The following RPUSD3 variants were observed in gnomAD, a reference collection of about 807,000 sequenced individuals.
RPUSD3 encodes the protein mitochondrial mRNA pseudouridine synthase RPUSD3.
A neutral mutation model predicts 35.1 loss-of-function variants in RPUSD3; 36 were observed. The ratio of observed to expected loss-of-function variants is 1.02; its 90% CI spans 0.79 to 1.35. RPUSD3 has a LOEUF of 1.35. Ranked by LOEUF, RPUSD3 falls within the 40% of genes most tolerant of loss-of-function variation. RPUSD3 has a pLI of 0.00. For synonymous variants in RPUSD3, 202 were observed against 187.8 expected (o/e 1.08, Z -0.62); for missense variants, 486 against 441.9 (o/e 1.10, Z -0.89).
At chr3:9,843,295 G>A (rs1017327953) in intron 2 of RPUSD3, 170 bp downstream of exon 2, 3 of 854,878 alleles carry the variant, frequency 3.5e-6, no homozygotes, top group Non-Finnish European at 5.5e-6. Context: ...CTGCATCATG[G>A]CAGTAGGGTT....
rs1258323489 is a variant in RPUSD3, at chr3:9,840,205, C to T, written c.703G>A (p.Val235Ile). ...CTACCTGTCAGTGGCTGCAGCTGGA[C>T]CAGGGCACAGCCAGAGCCTGTGGCT... is the stretch of plus-strand genomic sequence containing the variant. The change falls in exon 7 of 9, where the codon GTC becomes ATC. Residue 235 changes from valine (V) to isoleucine (I), a missense_variant. Coordinates refer to ENST00000383820, the Ensembl canonical transcript of RPUSD3. 1.9e-6 allele frequency: 3 copies of T among 1,613,410 alleles called. No individual in the cohort carries two copies. In the Admixed American group the frequency reaches 5.0e-5, roughly 27 times the overall value.
At chr3:9,839,435 A>G (rs979285826) in intron 7 of RPUSD3, 2 of 347,532 alleles carry the variant, frequency 5.8e-6, no homozygotes, top group Non-Finnish European at 1.1e-5. Flanking sequence ...GGGCCTAAGG[A>G]CTGTTCTTTC....
chr3:9,839,112 G>C, exon 8 of RPUSD3: 1 of 1,614,190 alleles, frequency 6.2e-7, no homozygotes, highest in South Asian at 1.1e-5. Flanking sequence ...GAGTACATGT[G>C]GTCCCCAAGC....
chr3:9,843,951 A>G lies in RPUSD3; in HGVS notation c.64T>C (p.Trp22Arg), dbSNP rs777725369. The change falls in exon 1 of 9, where the codon TGG (tryptophan) becomes CGG (arginine). Residue 22 changes from tryptophan (W) to arginine (R), a missense_variant. Trp to Arg is a moderately radical substitution (Grantham distance 101). Transcript: ENST00000383820. ...GGGCGGACACCCAGGCCCCGCCGCCAGCCACTCCAGAACCGGCCCAAAACA... is the reference window on the plus strand; with the variant it reads ...GGGCGGACACCCAGGCCCCGCCGCCGGCCACTCCAGAACCGGCCCAAAACA... The G allele has an allele frequency of 7.5e-6, 12 of 1,608,982 alleles. No individual in the cohort carries two copies. Among genetic ancestry groups the G allele is most frequent in the Non-Finnish European group, 1.0e-5 (12 of 1,178,786 alleles).
At chr3:9,843,179 A>C (rs1575432469) in intron 2 of RPUSD3, 9 of 416,360 alleles carry the variant, frequency 2.2e-5, no homozygotes, top group Non-Finnish European at 2.6e-5. Context: ...GGCGTGAGCC[A>C]CCGCGGCCAA....
chr3:9,840,787 T>C, exon 5 of RPUSD3: 1 of 1,613,486 alleles, frequency 6.2e-7, no homozygotes, highest in Non-Finnish European at 8.5e-7. Flanking sequence ...TGGAGAGGAG[T>C]ACAAGCCCAG....
chr3:9,843,728 G>A (rs867924612), intron 1 of RPUSD3, 127 bp from the exon 2 acceptor site: 7 of 1,541,668 alleles, frequency 4.5e-6, no homozygotes, highest in African/African-American at 1.4e-5. Flanking sequence ...GGCTGACCTC[G>A]AAAATTCAGG....
chr3:9,843,828 C>T (rs2082140179), intron 1 of RPUSD3, 62 bp downstream of exon 1: 2 of 1,557,980 alleles, frequency 1.3e-6, no homozygotes, highest in African/African-American at 2.7e-5. Context: ...GATCCAGATC[C>T]CGCACGTGCC....
intron 7 of RPUSD3, 46 bp downstream of exon 7, chr3:9,840,138 C>A: frequency 6.3e-7 from 1 of 1,589,966 alleles, no homozygotes; most frequent in Non-Finnish European, 8.6e-7. Flanking sequence ...CCTCAGCCTC[C>A]CAAATCAAGT....
At chr3:9,840,290 G>T in exon 7 of RPUSD3, 1 of 1,614,146 alleles carries the variant, frequency 6.2e-7, no homozygotes. Context: ...TTCGGGATGG[G>T]GCCTTCACTG....
intron 7 of RPUSD3, 95 bp downstream of exon 7, chr3:9,840,089 C>A: frequency 6.7e-7 from 1 of 1,492,306 alleles, no homozygotes; most frequent in Non-Finnish European, 9.0e-7. Context: ...ACCATCTTGG[C>A]CAGACTGGTC....
Position 9,842,201 on chromosome 3 carries a change from G to T in RPUSD3, c.305C>A (p.Thr102Lys). 3.7e-6 allele frequency: 6 copies of T among 1,614,076 alleles called. No homozygotes were observed. The Admixed American group carries it at 1.0e-4, about 27-fold the overall frequency. Reference sequence around the variant, plus strand: ...CTTCCCACATCCCCGGCCCATACCTGTCACTGGTAGACCCTGTGGCTTGTT... The same window carrying T: ...CTTCCCACATCCCCGGCCCATACCTTTCACTGGTAGACCCTGTGGCTTGTT... The change falls in exon 3 of 9, where the codon ACA (threonine) becomes AAA (lysine). Residue 102 changes from threonine to lysine, a missense_variant and splice_region_variant. Thr to Lys is a moderately conservative substitution (Grantham distance 78). Coordinates refer to ENST00000383820, the Ensembl canonical transcript of RPUSD3.
chr3:9,843,489 G>A (rs746120717), exon 2 of RPUSD3: 1 of 1,613,994 alleles, frequency 6.2e-7, no homozygotes, highest in Non-Finnish European at 8.5e-7. Context: ...ACGGCTGCCC[G>A]CAGCGCATCA....
At chr3:9,838,961 T>A in intron 8 of RPUSD3, 71 bp downstream of exon 8, 1 of 1,605,758 alleles carries the variant, frequency 6.2e-7, no homozygotes, top group South Asian at 1.1e-5. Context: ...ACAGATAAGG[T>A]CTGGAGATGC....
chr3:9,841,858 C>T (rs1375460305), intron 4 of RPUSD3, 125 bp downstream of exon 4: 1 of 794,150 alleles, frequency 1.3e-6, no homozygotes, highest in East Asian at 2.5e-5. Flanking sequence ...CTTCACAGTA[C>T]TTGTATCCAC....
At chr3:9,842,425 C>T (rs990573511) in intron 2 of RPUSD3, 182 bp from the exon 3 acceptor site, 11 of 649,208 alleles carry the variant, frequency 1.7e-5, no homozygotes, top group Middle Eastern at 8.2e-4. Context: ...CTCAGAGCCT[C>T]GGCACTTGCT....
At chr3:9,842,361 G>T in intron 2 of RPUSD3, 118 bp from the exon 3 acceptor site, 1 of 1,001,760 alleles carries the variant, frequency 1.0e-6, no homozygotes, top group Middle Eastern at 2.7e-4. Context: ...ATGACTCTCA[G>T]ACATGAGTTA....
chr3:9,839,061 G>T, exon 8 of RPUSD3: 1 of 1,614,208 alleles, frequency 6.2e-7, no homozygotes, highest in South Asian at 1.1e-5. Context: ...TTCTCAGCTG[G>T]CAGCAGAAAT....
intron 7 of RPUSD3, 108 bp from the exon 8 acceptor site, chr3:9,839,279 T>G (rs546026078): frequency 1.5e-6 from 2 of 1,338,512 alleles, no homozygotes; most frequent in Admixed American, 4.7e-5. Flanking sequence ...CTTTCTCAGA[T>G]CATATGTTTC....
Sources: gnomAD v4.1 joint callset for allele counts on GRCh38, gnomAD v4.1.1 for gene constraint, MANE v1.5 for transcripts, NCBI Gene and HGNC (gene_info 2026-07-23, HGNC 2026-07-21) for gene names.